Variants in MAGI2 observed in about 807,000 individuals in gnomAD.
MAGI2 encodes membrane-associated guanylate kinase, WW and PDZ domain-containing protein 2.
A neutral mutation model predicts 133.3 loss-of-function variants in MAGI2; 35 were observed. That is an observed-to-expected ratio of 0.26 (90% CI 0.20 to 0.35). MAGI2 has a LOEUF of 0.35. Ranked by LOEUF, MAGI2 falls within the 10% of genes least tolerant of loss-of-function variation. The probability of loss-of-function intolerance (pLI) is 1.00; values close to 1 mark genes in which losing one functional copy is unlikely to be tolerated. For synonymous variants in MAGI2, 729 were observed against 710.6 expected (o/e 1.03, Z -0.41); for missense variants, 1,636 against 1,863.4 (o/e 0.88, Z 2.25).
At chr7:78,941,276 C>T (rs1384246344) in intron 2 of MAGI2, among the ~76,000 whole-genome samples, 1 of 152,172 alleles carries the variant, frequency 6.6e-6, no homozygotes, top group Non-Finnish European at 1.5e-5. Context: ...GCTCCTTCTG[C>T]CTTCTCAAAA....
intron 9 of MAGI2, among the ~76,000 whole-genome samples, chr7:78,326,776 CT>C: frequency 6.6e-6 from 1 of 152,248 alleles, no homozygotes; most frequent in South Asian, 2.1e-4. Flanking sequence ...TATATTCAGT[CT>C]CATTAAAGCC....
chr7:78,100,112 C>T (rs1818073259), intron 20 of MAGI2, among the ~76,000 whole-genome samples: 2 of 152,138 alleles, frequency 1.3e-5, no homozygotes, highest in Admixed American at 6.5e-5. Flanking sequence ...AAGAAGCCTG[C>T]TTGTTCAGTA....
At chr7:78,871,186 C>T (rs150944644) in intron 2 of MAGI2, among the ~76,000 whole-genome samples, 9,548 of 152,138 alleles carry the variant, frequency 0.063, 370 homozygotes, top group Middle Eastern at 0.11. Context: ...TGGTGGGCGC[C>T]TGTAGTCCCA....
chr7:78,601,499 C>A (rs1354008479), intron 3 of MAGI2, among the ~76,000 whole-genome samples: 1 of 152,114 alleles, frequency 6.6e-6, no homozygotes, highest in African/African-American at 2.4e-5. Context: ...AGTCTTAAGT[C>A]TTAGAATTCC....
At chr7:78,071,260 G>A (rs111234584) in intron 21 of MAGI2, among the ~76,000 whole-genome samples, 13,662 of 152,230 alleles carry the variant, frequency 0.09, 974 homozygotes, top group African/African-American at 0.18. Flanking sequence ...CCCTGGCTGG[G>A]CCTGGTGGCT....
chr7:78,931,214 G>A (rs1284022613), intron 2 of MAGI2, among the ~76,000 whole-genome samples: 1 of 152,114 alleles, frequency 6.6e-6, no homozygotes, highest in Non-Finnish European at 1.5e-5. Context: ...TGCAAAAGCA[G>A]AGACCTGGAC....
At chr7:79,004,069 T>A (rs1188219709) in intron 2 of MAGI2, among the ~76,000 whole-genome samples, 1 of 152,136 alleles carries the variant, frequency 6.6e-6, no homozygotes, top group Middle Eastern at 3.2e-3. Flanking sequence ...GAAATAGAAT[T>A]GCCATATGGT....
chr7:78,670,459 G>A (rs573937442), intron 2 of MAGI2, among the ~76,000 whole-genome samples: 13 of 152,150 alleles, frequency 8.5e-5, no homozygotes, highest in Non-Finnish European at 1.8e-4. Context: ...ATGCTCATGG[G>A]CAGGAAGAAT....
chr7:78,660,685 C>T (rs930584501), intron 2 of MAGI2, among the ~76,000 whole-genome samples: 2 of 152,112 alleles, frequency 1.3e-5, no homozygotes, highest in African/African-American at 4.8e-5. Context: ...TTTCTAAATG[C>T]TTTAGGAACT....
chr7:78,491,413 G>T (rs145791802), intron 5 of MAGI2, among the ~76,000 whole-genome samples: 3 of 152,218 alleles, frequency 2.0e-5, no homozygotes, highest in African/African-American at 7.2e-5. Flanking sequence ...TGCTCCTGAA[G>T]AAGACGCCAT....
intron 9 of MAGI2, among the ~76,000 whole-genome samples, chr7:78,314,146 C>A (rs1787163534): frequency 6.6e-6 from 1 of 152,126 alleles, no homozygotes; most frequent in Middle Eastern, 3.2e-3. Context: ...TTAAATAAGA[C>A]TGTAATGGAC....
chr7:78,557,725 C>A (rs1248438105), intron 3 of MAGI2, among the ~76,000 whole-genome samples: 1 of 152,174 alleles, frequency 6.6e-6, no homozygotes, highest in Non-Finnish European at 1.5e-5. Flanking sequence ...CTTGTTACAG[C>A]CCTCCAAGGA....
chr7:78,393,192 C>A (rs1796055089), intron 6 of MAGI2, among the ~76,000 whole-genome samples: 1 of 152,122 alleles, frequency 6.6e-6, no homozygotes, highest in Non-Finnish European at 1.5e-5. Flanking sequence ...TGCTTCTCAC[C>A]TACGGAAGTT....
In MAGI2 at chr7:78,399,479, C is replaced by T. The variant is rs149084337; in HGVS notation, c.1046-30266G>A. Among the ~76,000 whole-genome samples, 333 of 152,190 alleles carry T rather than the reference C, an allele frequency of 2.2e-3. 4 individuals are homozygous for T. The highest frequency in any genetic ancestry group is 0.017 in the Middle Eastern group (5 of 292). ...GGTAAGAAGCACTATTTGCATCAGT[C>T]GAGGTAATGGGAGCTAGTAGTTTAC... On this transcript the variant is annotated intron_variant, in intron 6 of 21. Coordinates refer to ENST00000354212, the MANE Select transcript of MAGI2 (RefSeq NM_012301.4).
At position 79,006,795 on chromosome 7, in the gene MAGI2, C is replaced by T. The variant is rs189431437; in HGVS notation, c.418+295G>A. 1.2e-3 allele frequency: 292 copies of T among 243,552 alleles called. 1 individual carries two copies. The highest frequency in any genetic ancestry group is 6.1e-3 in the African/African-American group (271 of 44,654). The allele number at this position is 243,552 out of a possible 1,614,324, so 15.1% of individuals were successfully genotyped here. On this transcript the variant is annotated intron_variant, in intron 2 of 21. Transcript: ENST00000354212. ...AGTTCTATCTCCATCATAATTCATT[C>T]GGAATCACCAACAGTCTGGACTAGA...
At chr7:78,528,918 T>C (rs1051450972) in intron 3 of MAGI2, among the ~76,000 whole-genome samples, 2 of 152,142 alleles carry the variant, frequency 1.3e-5, no homozygotes, top group African/African-American at 4.8e-5. Flanking sequence ...AATTTCTGAA[T>C]TTTTAGAAAT....
At chr7:78,443,698 CTT>C (rs569624907) in intron 6 of MAGI2, among the ~76,000 whole-genome samples, 87 of 152,162 alleles carry the variant, frequency 5.7e-4, no homozygotes, top group African/African-American at 1.7e-3. Context: ...CTCATGAAGA[CTT>C]TTAAAACATC....
intron 3 of MAGI2, among the ~76,000 whole-genome samples, chr7:78,603,666 T>C (rs1160751219): frequency 2.0e-5 from 3 of 152,030 alleles, no homozygotes; most frequent in Non-Finnish European, 4.4e-5. Context: ...GGATTACAGG[T>C]GCATGCCACC....
At position 78,894,650 on chromosome 7, in the gene MAGI2, T is replaced by G. The variant is rs530420484; in HGVS notation, c.418+112440A>C. Among the ~76,000 whole-genome samples the G allele has an allele frequency of 4.6e-5, 7 of 152,088 alleles. No individual in the cohort carries two copies. In the South Asian group the frequency reaches 1.2e-3, roughly 27 times the overall value. On this transcript the variant is annotated intron_variant, in intron 2 of 21. Coordinates refer to ENST00000354212, the MANE Select transcript of MAGI2 (RefSeq NM_012301.4). ...AAATCCCCAAGAAACCAGTTTAAATTTAAGATTAAAAATAGATTTTTGAAA... is the reference window on the plus strand; with the variant it reads ...AAATCCCCAAGAAACCAGTTTAAATGTAAGATTAAAAATAGATTTTTGAAA...
Sources: allele counts gnomAD v4.1 joint callset (sites outside exome capture counted in the v4.1 genomes callset), GRCh38; gene constraint gnomAD v4.1.1; transcripts MANE v1.5; gene names NCBI Gene and HGNC (gene_info 2026-07-23, HGNC 2026-07-21).